The following NREP variants were observed in gnomAD, a reference collection of about 807,000 sequenced individuals.
NREP encodes neuronal regeneration related protein.
A neutral mutation model predicts 8.6 loss-of-function variants in NREP; 5 were observed. That is an observed-to-expected ratio of 0.58 (90% CI 0.30 to 1.22). The LOEUF (loss-of-function observed/expected upper bound fraction) is 1.22, where lower values mean the gene tolerates loss of function less well. Among genes scored for constraint, NREP ranks in the 50% most tolerant of loss-of-function variants. The probability of loss-of-function intolerance (pLI) is 0.07; values close to 1 mark genes in which losing one functional copy is unlikely to be tolerated. For synonymous variants in NREP, 27 were observed against 28.0 expected (o/e 0.96, Z 0.11); for missense variants, 86 against 82.5 (o/e 1.04, Z -0.17).
At chr5:111,758,126 A>G (rs1230233859), upstream of NREP, 1 of 985,292 alleles carries the variant, frequency 1.0e-6, no homozygotes, top group Non-Finnish European at 1.2e-6. Flanking sequence ...CCTGCCCCTC[A>G]GCTGGGTACG....
At chr5:111,869,603 A>G (rs1753741411) in intron 2 of NREP, among the ~76,000 whole-genome samples, 1 of 152,144 alleles carries the variant, frequency 6.6e-6, no homozygotes, top group African/African-American at 2.4e-5. Flanking sequence ...CTCAGGCTCT[A>G]CTGTCAGACA....
intron 2 of NREP, among the ~76,000 whole-genome samples, chr5:111,947,448 C>T (rs73225635): frequency 0.13 from 20,074 of 151,776 alleles, 2,189 homozygotes; most frequent in African/African-American, 0.3. Flanking sequence ...AAAAAGAGTT[C>T]ATGTTTTTAC....
At chr5:111,790,885 C>T (rs1581120305) in intron 2 of NREP, among the ~76,000 whole-genome samples, 2 of 152,062 alleles carry the variant, frequency 1.3e-5, no homozygotes, top group South Asian at 2.1e-4. Context: ...ATACAGTATA[C>T]AATATTCATG....
At chr5:111,803,617 G>C (rs554451376) in intron 2 of NREP, among the ~76,000 whole-genome samples, 123 of 152,286 alleles carry the variant, frequency 8.1e-4, no homozygotes, top group Middle Eastern at 6.8e-3. Flanking sequence ...GAAAGACAAA[G>C]TTGCATTTTA....
chr5:111,797,049 C>T (rs185183326), intron 2 of NREP, among the ~76,000 whole-genome samples: 10 of 150,392 alleles, frequency 6.6e-5, no homozygotes, highest in Admixed American at 5.3e-4. Flanking sequence ...AAAACGCAAG[C>T]GCAGTGTCTA....
At chr5:111,958,579 A>G (rs893015436) in intron 2 of NREP, among the ~76,000 whole-genome samples, 3 of 151,976 alleles carry the variant, frequency 2.0e-5, no homozygotes, top group Admixed American at 6.5e-5. Flanking sequence ...AACAACTCAG[A>G]AGCACATAGT....
chr5:111,854,793 C>G (rs1753389452), intron 2 of NREP, among the ~76,000 whole-genome samples: 1 of 152,178 alleles, frequency 6.6e-6, no homozygotes, highest in African/African-American at 2.4e-5. Context: ...ACCTTCCCTT[C>G]TGCCCTTTCC....
chr5:111,746,489 A>C (rs1210248626), intron 2 of NREP, among the ~76,000 whole-genome samples: 2 of 152,164 alleles, frequency 1.3e-5, no homozygotes, highest in African/African-American at 4.8e-5. Context: ...CCAATTAATA[A>C]AGGACTAAAA....
intron 2 of NREP, among the ~76,000 whole-genome samples, chr5:111,831,356 T>C (rs1752763579): frequency 1.3e-5 from 2 of 152,148 alleles, no homozygotes; most frequent in African/African-American, 2.4e-5. Context: ...CCAACTCAGG[T>C]CATACCATTG....
chr5:111,757,497 T>C (rs1450316050), upstream of NREP: 1 of 984,840 alleles, frequency 1.0e-6, no homozygotes, highest in Non-Finnish European at 1.2e-6. Context: ...CTGATGGAGC[T>C]GGCGCGGAGC....
intron 2 of NREP, among the ~76,000 whole-genome samples, chr5:111,844,555 A>T (rs1415203654): frequency 6.6e-6 from 1 of 150,546 alleles, no homozygotes; most frequent in Non-Finnish European, 1.5e-5. Context: ...AGAGCCAAAG[A>T]GTTGTTGGTG....
chr5:111,806,536 T>A (rs1301058423), intron 2 of NREP, among the ~76,000 whole-genome samples: 1 of 152,116 alleles, frequency 6.6e-6, no homozygotes, highest in Non-Finnish European at 1.5e-5. Flanking sequence ...CACCAGTATT[T>A]TGGGGGAGAG....
At chr5:111,973,164 C>T (rs1009746268) in intron 2 of NREP, among the ~76,000 whole-genome samples, 16 of 152,126 alleles carry the variant, frequency 1.1e-4, no homozygotes, top group African/African-American at 3.1e-4. Flanking sequence ...GTACTCATTT[C>T]TCAAAAATAT....
chr5:111,799,468 TG>T (rs1285291404), intron 2 of NREP, among the ~76,000 whole-genome samples: 2 of 152,220 alleles, frequency 1.3e-5, no homozygotes, highest in Non-Finnish European at 2.9e-5. Flanking sequence ...GGTTAACACA[TG>T]TTGAAGAAGA....
intron 2 of NREP, among the ~76,000 whole-genome samples, chr5:111,920,424 T>A (rs967167903): frequency 6.6e-6 from 1 of 152,188 alleles, no homozygotes; most frequent in African/African-American, 2.4e-5. Flanking sequence ...AAGCCCTGCA[T>A]GCATTAGCTA....
intron 2 of NREP, among the ~76,000 whole-genome samples, chr5:111,914,900 G>C (rs6899197): frequency 0.54 from 82,238 of 151,960 alleles, 23,447 homozygotes; most frequent in Non-Finnish European, 0.64. Flanking sequence ...TTCAGGAAGA[G>C]ATTTTTCCAT....
In NREP at chr5:111,847,417, C is replaced by T. The variant is rs968321815; in HGVS notation, c.136-111910G>A. On this transcript the variant is annotated intron_variant, in intron 2 of 3. Coordinates refer to the NREP transcript ENST00000395634. Reference sequence around the variant, plus strand: ...CTAACCCTAATTAGTTCCCCAAGGTCTCATTTCCAAATACCATCACATTAG... The same window carrying T: ...CTAACCCTAATTAGTTCCCCAAGGTTTCATTTCCAAATACCATCACATTAG... Among the ~76,000 whole-genome samples the T allele has an allele frequency of 9.2e-5, 14 of 152,150 alleles. 1 individual carries two copies. Among genetic ancestry groups the T allele is most frequent in the African/African-American group, 3.1e-4 (13 of 41,434 alleles).
chr5:111,924,071 A>C (rs767492445), intron 2 of NREP, among the ~76,000 whole-genome samples: 6 of 152,126 alleles, frequency 3.9e-5, no homozygotes, highest in Non-Finnish European at 5.9e-5. Flanking sequence ...GGGAGGGTGA[A>C]GGAACAAATG....
At chr5:111,913,862 T>C (rs1436210620) in intron 2 of NREP, among the ~76,000 whole-genome samples, 1 of 152,126 alleles carries the variant, frequency 6.6e-6, no homozygotes, top group Non-Finnish European at 1.5e-5. Flanking sequence ...TAACATCAGC[T>C]TTTAAAAGTT....
Sources: allele counts gnomAD v4.1 joint callset (sites outside exome capture counted in the v4.1 genomes callset), GRCh38; gene constraint gnomAD v4.1.1; transcripts MANE v1.5; gene names NCBI Gene and HGNC (gene_info 2026-07-23, HGNC 2026-07-21).